MPP7: variants seen among roughly 807,000 people sequenced by gnomAD.
The protein encoded by MPP7 is MAGUK p55 scaffold protein 7.
A neutral mutation model predicts 76.5 loss-of-function variants in MPP7; 60 were observed. The ratio of observed to expected loss-of-function variants is 0.78; its 90% CI spans 0.64 to 0.97. The LOEUF is 0.97. MPP7 is among the 50% of genes least tolerant of loss of function. The pLI, the probability that MPP7 is intolerant of heterozygous loss-of-function variation, is 0.00. For synonymous variants in MPP7, 237 were observed against 244.5 expected (o/e 0.97, Z 0.29); for missense variants, 641 against 694.0 (o/e 0.92, Z 0.86).
At chr10:28,162,346 C>T (rs1039083166) in intron 3 of MPP7, among the ~76,000 whole-genome samples, 3 of 152,088 alleles carry the variant, frequency 2.0e-5, no homozygotes, top group Non-Finnish European at 2.9e-5. Flanking sequence ...ATATACAGTA[C>T]AAATTTTTTT....
At chr10:28,316,597 A>G (rs786399) in intron 2 of MPP7, among the ~76,000 whole-genome samples, 56,535 of 151,910 alleles carry the variant, frequency 0.37, 11,580 homozygotes, top group African/African-American at 0.54. Flanking sequence ...GGAGCAGAGC[A>G]CATGGGACCT....
At chr10:28,297,436 C>A (rs149013989) in intron 1 of MPP7, among the ~76,000 whole-genome samples, 1 of 152,144 alleles carries the variant, frequency 6.6e-6, no homozygotes, top group African/African-American at 2.4e-5. Context: ...CTGTGGCTCA[C>A]GCCTGTAATC....
intron 13 of MPP7, among the ~76,000 whole-genome samples, chr10:28,061,824 T>C (rs1238928412): frequency 7.4e-6 from 1 of 134,278 alleles, no homozygotes; most frequent in Non-Finnish European, 1.6e-5. Flanking sequence ...AAGTGAATAA[T>C]GATTTAAACT....
intron 11 of MPP7, among the ~76,000 whole-genome samples, chr10:28,094,015 C>T (rs577403667): frequency 2.6e-5 from 4 of 152,306 alleles, no homozygotes; most frequent in Admixed American, 6.5e-5. Context: ...AAGCATGACA[C>T]ATTAGGCATT....
chr10:28,063,566 G>T (rs1851879149), intron 13 of MPP7, among the ~76,000 whole-genome samples: 1 of 152,108 alleles, frequency 6.6e-6, no homozygotes, highest in South Asian at 2.1e-4. Flanking sequence ...TTAGGAACCA[G>T]GCCACACAGA....
intron 5 of MPP7, among the ~76,000 whole-genome samples, chr10:28,132,267 C>T (rs1171392774): frequency 6.6e-6 from 1 of 152,024 alleles, no homozygotes; most frequent in Non-Finnish European, 1.5e-5. Context: ...GAAAAGAACA[C>T]CAGAACTTTG....
chr10:28,103,717 C>T (rs1418529486), intron 11 of MPP7, among the ~76,000 whole-genome samples: 2 of 150,078 alleles, frequency 1.3e-5, no homozygotes, highest in African/African-American at 5.0e-5. Context: ...CCCAGAACAG[C>T]ATCTAGAATG....
At chr10:28,288,615 T>C (rs1840840742) in intron 1 of MPP7, among the ~76,000 whole-genome samples, 1 of 152,178 alleles carries the variant, frequency 6.6e-6, no homozygotes, top group Non-Finnish European at 1.5e-5. Context: ...TAAACATTGA[T>C]AGATATAACT....
At chr10:28,076,865 G>T (rs1218777402) in intron 12 of MPP7, among the ~76,000 whole-genome samples, 2 of 150,700 alleles carry the variant, frequency 1.3e-5, no homozygotes, top group African/African-American at 4.9e-5. Flanking sequence ...TCTAGCCTGG[G>T]TGACAGAGTA....
intron 3 of MPP7, among the ~76,000 whole-genome samples, chr10:28,188,894 A>G (rs1042024697): frequency 6.6e-6 from 1 of 152,170 alleles, no homozygotes; most frequent in African/African-American, 2.4e-5. Flanking sequence ...AAGGAGAAAT[A>G]AAAACTTTTT....
intron 2 of MPP7, among the ~76,000 whole-genome samples, chr10:28,315,963 A>C (rs534335964): frequency 6.6e-6 from 1 of 152,294 alleles, no homozygotes; most frequent in East Asian, 1.9e-4. Flanking sequence ...ATGCCAATCA[A>C]GGGGCATTTT....
intron 5 of MPP7, among the ~76,000 whole-genome samples, chr10:28,144,251 G>C (rs1367598954): frequency 6.6e-6 from 1 of 151,942 alleles, no homozygotes; most frequent in Non-Finnish European, 1.5e-5. Flanking sequence ...TGCCTCAAAA[G>C]CTTGGTCTGT....
chr10:28,240,942 G>A (rs1839247825), intron 1 of MPP7, among the ~76,000 whole-genome samples: 1 of 151,986 alleles, frequency 6.6e-6, no homozygotes, highest in Non-Finnish European at 1.5e-5. Context: ...TTGTGAGTAG[G>A]TATTTATTAT....
intron 11 of MPP7, among the ~76,000 whole-genome samples, chr10:28,104,590 T>C (rs1026541870): frequency 6.6e-6 from 1 of 152,224 alleles, no homozygotes. Context: ...ATATATTCTT[T>C]TTTAAATGAG....
At chr10:28,319,450 G>T (rs1186636526) in intron 2 of MPP7, among the ~76,000 whole-genome samples, 1 of 152,112 alleles carries the variant, frequency 6.6e-6, no homozygotes, top group Non-Finnish European at 1.5e-5. Flanking sequence ...GCTGAGGCAG[G>T]TGGATTGCTT....
chr10:28,227,158 C>G (rs886140174), intron 2 of MPP7, among the ~76,000 whole-genome samples: 2 of 152,138 alleles, frequency 1.3e-5, no homozygotes, highest in African/African-American at 4.8e-5. Context: ...AGTAAGTGTA[C>G]TGATTCAGTG....
chr10:28,069,462 G>C (rs772064523), intron 13 of MPP7, among the ~76,000 whole-genome samples: 9 of 151,958 alleles, frequency 5.9e-5, no homozygotes, highest in Non-Finnish European at 1.2e-4. Flanking sequence ...AAATAAGCTG[G>C]GTGTGGTGGC....
chr10:28,122,251 A>G (rs527640604), intron 8 of MPP7, among the ~76,000 whole-genome samples: 38 of 152,266 alleles, frequency 2.5e-4, no homozygotes, highest in Non-Finnish European at 4.9e-4. Context: ...GTGTCATTTA[A>G]TAAGGACTCA....
chr10:28,268,779 C>T (rs941588147), intron 1 of MPP7, among the ~76,000 whole-genome samples: 2 of 149,646 alleles, frequency 1.3e-5, no homozygotes, highest in Admixed American at 6.6e-5. Context: ...GCTAATCAGG[C>T]GTGGTGGCAG....
Sources: gnomAD v4.1 joint callset for allele counts (sites outside exome capture counted in the v4.1 genomes callset) on GRCh38, gnomAD v4.1.1 for gene constraint, MANE v1.5 for transcripts, NCBI Gene and HGNC (gene_info 2026-07-23, HGNC 2026-07-21) for gene names.